Variants in LRRC63 observed in about 807,000 individuals in gnomAD.
LRRC63 encodes leucine-rich repeat-containing protein 63.
Under a neutral mutation model 49.5 loss-of-function variants are expected in LRRC63, and 40 were observed. The observed-to-expected ratio is 0.81, with a 90% CI of 0.63 to 1.05. LRRC63 has a LOEUF of 1.05. Among genes scored for constraint, LRRC63 ranks in the 50% least tolerant of loss-of-function variants. The pLI is 0.00. For missense variants in LRRC63, 636 were observed against 663.1 expected (o/e 0.96, Z 0.45); for synonymous variants, 191 against 221.1 (o/e 0.86, Z 1.21).
In LRRC63 at chr13:46,240,778, A is replaced by T. The variant is rs911314317; in HGVS notation, c.991-5749A>T. On this transcript the variant is annotated intron_variant, in intron 5 of 9. Transcript: ENST00000595396. ...TCTTTAGGAATACAGCTAACCAAGG[A>T]TGTGAACGATCTCTACAAGGAGAAC... 7.2e-5 allele frequency among the ~76,000 whole-genome samples: 11 copies of T among 152,224 alleles called. No homozygotes were observed. The East Asian group carries it at 2.1e-3, about 29-fold the overall frequency.
chr13:46,249,026 T>C (rs1215348561), intron 6 of LRRC63, among the ~76,000 whole-genome samples: 1 of 151,840 alleles, frequency 6.6e-6, no homozygotes, highest in African/African-American at 2.4e-5. Flanking sequence ...TTAAGCAACA[T>C]ACTCCTAAAT....
chr13:46,231,725 G>A (rs2046762753), intron 4 of LRRC63, among the ~76,000 whole-genome samples: 1 of 151,052 alleles, frequency 6.6e-6, no homozygotes, highest in Non-Finnish European at 1.5e-5. Flanking sequence ...GACCAGACTG[G>A]TCTCAAACTC....
intron 2 of LRRC63, among the ~76,000 whole-genome samples, chr13:46,215,954 C>T (rs1480154265): frequency 6.6e-6 from 1 of 152,124 alleles, no homozygotes; most frequent in Non-Finnish European, 1.5e-5. Context: ...TCTGAGGTCT[C>T]TGTTCTGCTC....
intron 2 of LRRC63, among the ~76,000 whole-genome samples, chr13:46,213,428 C>CA (rs2046152976): frequency 1.3e-5 from 2 of 152,232 alleles, no homozygotes; most frequent in African/African-American, 4.8e-5. Context: ...CACATGCCTC[C>CA]AGCTGAGGTG....
At chr13:46,220,471 C>T (rs1399799295) in intron 2 of LRRC63, among the ~76,000 whole-genome samples, 1 of 152,120 alleles carries the variant, frequency 6.6e-6, no homozygotes, top group Non-Finnish European at 1.5e-5. Flanking sequence ...AAGCTTGTGT[C>T]CCAGGTCGAC....
intron 2 of LRRC63, among the ~76,000 whole-genome samples, chr13:46,223,675 G>A (rs933978368): frequency 6.6e-6 from 1 of 151,872 alleles, no homozygotes; most frequent in Non-Finnish European, 1.5e-5. Context: ...CCAACATGGT[G>A]AAACCCCGTC....
exon 1 of LRRC63, chr13:46,212,040 C>T (rs2046107342): frequency 6.6e-6 from 1 of 152,406 alleles, no homozygotes. Context: ...GGAAGACCCT[C>T]GCTGGACCTT....
chr13:46,276,322 A>G (rs923276507), intron 9 of LRRC63, among the ~76,000 whole-genome samples: 4 of 151,950 alleles, frequency 2.6e-5, no homozygotes, highest in East Asian at 1.9e-4. Context: ...AATAATAACT[A>G]TTTTCAATTT....
At chr13:46,252,017 T>C (rs915639771) in intron 7 of LRRC63, among the ~76,000 whole-genome samples, 1 of 151,930 alleles carries the variant, frequency 6.6e-6, no homozygotes, top group Non-Finnish European at 1.5e-5. Flanking sequence ...ATATTTTTAT[T>C]AAATAACATA....
At chr13:46,267,880 C>T (rs1241656245) in intron 9 of LRRC63, among the ~76,000 whole-genome samples, 1 of 152,122 alleles carries the variant, frequency 6.6e-6, no homozygotes, top group East Asian at 1.9e-4. Flanking sequence ...GGAAGCTGAA[C>T]TTGAGATTCC....
At chr13:46,228,802 T>A (rs1257469082) in intron 4 of LRRC63, 69 bp downstream of exon 4, 1 of 1,079,856 alleles carries the variant, frequency 9.3e-7, no homozygotes, top group Non-Finnish European at 1.4e-6. Context: ...AAATTATGGG[T>A]GATTTTTTGT....
At chr13:46,262,430 G>T (rs1350858934) in intron 8 of LRRC63, among the ~76,000 whole-genome samples, 1 of 152,066 alleles carries the variant, frequency 6.6e-6, no homozygotes, top group Non-Finnish European at 1.5e-5. Flanking sequence ...TGTGACTTCA[G>T]AATAATTTTT....
chr13:46,250,576 C>T (rs1410536594), intron 7 of LRRC63, 85 bp downstream of exon 7: 5 of 1,163,782 alleles, frequency 4.3e-6, no homozygotes, highest in Admixed American at 5.7e-5. Context: ...AAGCAGCTAG[C>T]AGCTTTTTGG....
chr13:46,225,790 A>C (rs977910756), intron 2 of LRRC63, among the ~76,000 whole-genome samples: 8 of 152,156 alleles, frequency 5.3e-5, no homozygotes, highest in African/African-American at 1.4e-4. Context: ...TTTGTCAATT[A>C]GCTCTATCTC....
chr13:46,269,899 C>CTATACACA (rs757634528), intron 9 of LRRC63, among the ~76,000 whole-genome samples: 3 of 114,310 alleles, frequency 2.6e-5, no homozygotes, highest in Non-Finnish European at 5.9e-5. Flanking sequence ...ATAGTAGACA[C>CTATACACA]TATATACATA....
chr13:46,236,327 T>C (rs941798124), intron 5 of LRRC63, among the ~76,000 whole-genome samples: 2 of 152,052 alleles, frequency 1.3e-5, no homozygotes, highest in African/African-American at 4.8e-5. Flanking sequence ...GGAAGCTCAA[T>C]CAACTCCAAG....
At chr13:46,261,367 A>G (rs1380859498) in intron 7 of LRRC63, among the ~76,000 whole-genome samples, 1 of 152,160 alleles carries the variant, frequency 6.6e-6, no homozygotes, top group African/African-American at 2.4e-5. Flanking sequence ...CCCCAAATTC[A>G]ATGGCTATTG....
chr13:46,275,080 T>TTC (rs2138603097), intron 9 of LRRC63, among the ~76,000 whole-genome samples: 1 of 152,304 alleles, frequency 6.6e-6, no homozygotes, highest in South Asian at 2.1e-4. Flanking sequence ...ATGAGTGCCG[T>TTC]TCTGTGCCTG....
At chr13:46,260,726 G>C (rs74069596) in intron 7 of LRRC63, among the ~76,000 whole-genome samples, 1 of 152,030 alleles carries the variant, frequency 6.6e-6, no homozygotes, top group Admixed American at 6.6e-5. Context: ...GAAATTTTAC[G>C]TGTTATTTAG....
Sources: gnomAD v4.1 joint callset for allele counts (sites outside exome capture counted in the v4.1 genomes callset) on GRCh38, gnomAD v4.1.1 for gene constraint, MANE v1.5 for transcripts, NCBI Gene and HGNC (gene_info 2026-07-23, HGNC 2026-07-21) for gene names.